The following PTPN18 variants were observed in gnomAD, a reference collection of about 807,000 sequenced individuals.
The protein encoded by PTPN18 is tyrosine-protein phosphatase non-receptor type 18.
In PTPN18, 65 loss-of-function variants were observed where a neutral mutation model predicts 65.4. The observed-to-expected ratio is 0.99, with a 90% CI of 0.81 to 1.22. PTPN18 has a LOEUF of 1.22. Among genes scored for constraint, PTPN18 ranks in the 50% most tolerant of loss-of-function variants. The pLI is 0.00. For missense variants in PTPN18, 616 were observed against 646.5 expected, an observed-to-expected ratio of 0.95 and a Z score of 0.51; for synonymous variants, 255 against 267.8, an observed-to-expected ratio of 0.95 and a Z score of 0.47.
chr2:130,358,432 G>A (rs998783329), intron 1 of PTPN18, among the ~76,000 whole-genome samples: 2 of 152,036 alleles, frequency 1.3e-5, no homozygotes, highest in Non-Finnish European at 2.9e-5. Context: ...TAGCTACATA[G>A]CCCATAATAT....
intron 5 of PTPN18, among the ~76,000 whole-genome samples, chr2:130,363,055 G>A (rs1025465024): frequency 3.0e-4 from 45 of 151,072 alleles, no homozygotes; most frequent in Non-Finnish European, 5.0e-4. Context: ...TCCTGACCTC[G>A]TGATCCGCCC....
intron 1 of PTPN18, among the ~76,000 whole-genome samples, chr2:130,357,201 T>G (rs1024365800): frequency 2.0e-5 from 3 of 151,882 alleles, no homozygotes; most frequent in Non-Finnish European, 4.4e-5. Context: ...CAGAGTGAGA[T>G]CCCATCTCAA....
intron 1 of PTPN18, among the ~76,000 whole-genome samples, chr2:130,358,054 C>T (rs145975660): frequency 1.2e-3 from 188 of 152,278 alleles, no homozygotes; most frequent in Middle Eastern, 3.4e-3. Flanking sequence ...GGTTCTGAAC[C>T]GTGTACAGTG....
intron 5 of PTPN18, 75 bp from the exon 6 acceptor site, chr2:130,369,058 T>C (rs1287258531): frequency 1.9e-5 from 25 of 1,317,272 alleles, no homozygotes; most frequent in Non-Finnish European, 2.6e-5. Flanking sequence ...TGGGGTGTCT[T>C]GTGGCATGAT....
At chr2:130,367,663 A>G (rs949647946) in intron 5 of PTPN18, among the ~76,000 whole-genome samples, 3 of 152,100 alleles carry the variant, frequency 2.0e-5, no homozygotes, top group Admixed American at 6.5e-5. Context: ...TGACAGAGCA[A>G]GGGTCTCAAA....
At chr2:130,372,144 A>C in intron 12 of PTPN18, 113 bp from the exon 13 acceptor site, 1 of 1,041,804 alleles carries the variant, frequency 9.6e-7, no homozygotes, top group Non-Finnish European at 1.4e-6. Context: ...CCTCCCATCT[A>C]GCGCACCGCC....
chr2:130,364,792 T>G (rs1680330903), intron 5 of PTPN18, among the ~76,000 whole-genome samples: 1 of 152,048 alleles, frequency 6.6e-6, no homozygotes, highest in Non-Finnish European at 1.5e-5. Context: ...CGAGACTCCG[T>G]CTCAAAACAA....
In PTPN18 at chr2:130,374,618, AG is replaced by A. The variant is rs1440805411; in HGVS notation, c.*1395del. ...GTCACTGCAAAATGGAAAAAGTATA[AG>A]ATGCTCTTTCCCTGAACCTCAAGGG... On this transcript the variant is annotated 3_prime_UTR_variant, in exon 15 of 15. Coordinates refer to ENST00000175756, the MANE Select transcript of PTPN18 (RefSeq NM_014369.4). 1 of 471,288 alleles carries A rather than the reference AG, an allele frequency of 2.1e-6. No individual in the cohort carries two copies. The highest frequency in any genetic ancestry group is 4.4e-6 in the Non-Finnish European group (1 of 227,074). The allele number at this position is 471,288 out of a possible 1,614,324, so 29.2% of individuals were successfully genotyped here. A position where few individuals can be genotyped will look rare whatever the true frequency, so the allele number is the denominator to read the frequency against.
At chr2:130,359,365 A>C (rs904019541) in intron 3 of PTPN18, 32 bp from the exon 4 acceptor site, 1 of 1,614,084 alleles carries the variant, frequency 6.2e-7, no homozygotes, top group Non-Finnish European at 8.5e-7. Flanking sequence ...GGTGGGCCGC[A>C]GAATCTCAGT....
chr2:130,357,012 G>A (rs983918222), intron 1 of PTPN18, among the ~76,000 whole-genome samples: 2 of 152,132 alleles, frequency 1.3e-5, no homozygotes, highest in Admixed American at 6.5e-5. Flanking sequence ...GCAACACAGC[G>A]AAACCCCGTC....
chr2:130,367,960 T>C (rs1457708937), intron 5 of PTPN18, among the ~76,000 whole-genome samples: 2 of 152,200 alleles, frequency 1.3e-5, no homozygotes, highest in African/African-American at 4.8e-5. Context: ...TCATTTCATT[T>C]TGAATTATTT....
intron 8 of PTPN18, 105 bp from the exon 9 acceptor site, chr2:130,370,452 G>A (rs1263429121): frequency 2.3e-6 from 3 of 1,320,078 alleles, no homozygotes. Flanking sequence ...GAATCAAGAG[G>A]CTCTGCAGGG....
chr2:130,372,558 C>T (rs373528046), intron 13 of PTPN18, 75 bp downstream of exon 13: 6 of 1,398,634 alleles, frequency 4.3e-6, no homozygotes, highest in Non-Finnish European at 5.6e-6. Context: ...TGCAGTGGTC[C>T]GTCAGGCCCT....
At chr2:130,358,327 A>G (rs1373590433) in intron 1 of PTPN18, among the ~76,000 whole-genome samples, 2 of 152,260 alleles carry the variant, frequency 1.3e-5, no homozygotes, top group East Asian at 1.9e-4. Flanking sequence ...AATTATTATT[A>G]TAATCTCCCA....
chr2:130,370,274 G>A (rs1322831462), intron 8 of PTPN18, 84 bp downstream of exon 8: 30 of 1,563,896 alleles, frequency 1.9e-5, no homozygotes, highest in South Asian at 2.3e-5. Context: ...GGCTAGTCTT[G>A]TAGTCTGAGT....
chr2:130,365,529 G>A (rs1558844400), intron 5 of PTPN18, among the ~76,000 whole-genome samples: 1 of 152,144 alleles, frequency 6.6e-6, no homozygotes, highest in Non-Finnish European at 1.5e-5. Flanking sequence ...CCCATTCTGT[G>A]GGTTGTCATT....
At chr2:130,372,851 G>C (rs201607849) in intron 13 of PTPN18, 22 bp from the exon 14 acceptor site, 1 of 1,613,184 alleles carries the variant, frequency 6.2e-7, no homozygotes, top group Non-Finnish European at 8.5e-7. Context: ...GAGCTGACCC[G>C]TGGGGGGTCT....
At chr2:130,366,855 C>T (rs1680401759) in intron 5 of PTPN18, among the ~76,000 whole-genome samples, 1 of 151,916 alleles carries the variant, frequency 6.6e-6, no homozygotes, top group Non-Finnish European at 1.5e-5. Context: ...GATAGGGTCT[C>T]ACTCTGTCAT....
intron 5 of PTPN18, among the ~76,000 whole-genome samples, chr2:130,363,340 G>A (rs369121356): frequency 3.3e-5 from 5 of 151,760 alleles, no homozygotes; most frequent in African/African-American, 7.3e-5. Context: ...CCAGCAACTC[G>A]GGAGGCTGAG....
Sources: gnomAD v4.1 joint callset for allele counts (sites outside exome capture counted in the v4.1 genomes callset) on GRCh38, gnomAD v4.1.1 for gene constraint, MANE v1.5 for transcripts, NCBI Gene and HGNC (gene_info 2026-07-23, HGNC 2026-07-21) for gene names.